The following THSD7B variants were observed in gnomAD, a reference collection of about 807,000 sequenced individuals.
THSD7B encodes thrombospondin type-1 domain-containing protein 7B.
Under a neutral mutation model 213.6 loss-of-function variants are expected in THSD7B, and 138 were observed. The observed-to-expected ratio is 0.65, with a 90% CI of 0.56 to 0.74. The LOEUF is 0.74. Among genes scored for constraint, THSD7B ranks in the 30% least tolerant of loss-of-function variants. The pLI is 0.00. For missense variants in THSD7B, 1,931 were observed against 1,991.5 expected, an observed-to-expected ratio of 0.97 and a Z score of 0.58; for synonymous variants, 742 against 687.0, an observed-to-expected ratio of 1.08 and a Z score of -1.25.
At chr2:136,980,746 C>T (rs1177477776) in intron 2 of THSD7B, among the ~76,000 whole-genome samples, 1 of 152,182 alleles carries the variant, frequency 6.6e-6, no homozygotes, top group African/African-American at 2.4e-5. Flanking sequence ...AACCAAGGCC[C>T]TGGTGGTGTG....
At chr2:137,628,880 CACACCCTTGATCA>C (rs1342546728) in intron 20 of THSD7B, among the ~76,000 whole-genome samples, 2 of 152,146 alleles carry the variant, frequency 1.3e-5, no homozygotes, top group Non-Finnish European at 2.9e-5. Context: ...ACATTTCAAT[CACACCCTTGATCA>C]AATTATGCTG....
chr2:136,977,472 T>G (rs1483164800), intron 2 of THSD7B, among the ~76,000 whole-genome samples: 2 of 152,196 alleles, frequency 1.3e-5, no homozygotes, highest in Non-Finnish European at 2.9e-5. Flanking sequence ...AGTGCTGCTC[T>G]GATCTTGGTT....
intron 20 of THSD7B, among the ~76,000 whole-genome samples, chr2:137,632,483 C>T (rs1682759741): frequency 6.6e-6 from 1 of 152,138 alleles, no homozygotes; most frequent in Non-Finnish European, 1.5e-5. Context: ...TCTCTCTCAC[C>T]TTCTTGCATC....
chr2:136,961,727 T>C (rs1437344782), intron 2 of THSD7B, among the ~76,000 whole-genome samples: 1 of 152,192 alleles, frequency 6.6e-6, no homozygotes, highest in Non-Finnish European at 1.5e-5. Flanking sequence ...CATGTGGCCT[T>C]CGCATGAACG....
chr2:136,845,008 A>G (rs766104545), intron 1 of THSD7B, among the ~76,000 whole-genome samples: 1 of 152,170 alleles, frequency 6.6e-6, no homozygotes, highest in Admixed American at 6.6e-5. Context: ...TGTGCTCCAA[A>G]CGCCATTTGC....
At chr2:137,154,364 A>C (rs1679872065) in intron 5 of THSD7B, among the ~76,000 whole-genome samples, 1 of 152,136 alleles carries the variant, frequency 6.6e-6, no homozygotes. Flanking sequence ...AATTTTGAAA[A>C]AGACTGACTT....
At chr2:137,564,197 G>GT (rs566207362) in intron 16 of THSD7B, among the ~76,000 whole-genome samples, 306 of 152,312 alleles carry the variant, frequency 2.0e-3, no homozygotes, top group African/African-American at 6.9e-3. Context: ...GTCTAAATCA[G>GT]GTAGCTGCCT....
intron 7 of THSD7B, among the ~76,000 whole-genome samples, chr2:137,212,244 T>C (rs1357319700): frequency 6.6e-6 from 1 of 152,090 alleles, no homozygotes; most frequent in Admixed American, 6.6e-5. Context: ...GCAGATATCA[T>C]AGTTTCATAG....
chr2:136,780,859 A>G (rs1681728149), intron 1 of THSD7B, among the ~76,000 whole-genome samples: 1 of 152,208 alleles, frequency 6.6e-6, no homozygotes, highest in Admixed American at 6.5e-5. Flanking sequence ...CCTCAAAGTT[A>G]CAGAGAGGTG....
At chr2:136,797,227 T>A (rs1320316979) in intron 1 of THSD7B, among the ~76,000 whole-genome samples, 1 of 151,942 alleles carries the variant, frequency 6.6e-6, no homozygotes, top group African/African-American at 2.4e-5. Flanking sequence ...TTATTCAAGT[T>A]TCTGCTGGTT....
intron 7 of THSD7B, among the ~76,000 whole-genome samples, chr2:137,183,387 C>A (rs1680490939): frequency 6.6e-6 from 1 of 152,060 alleles, no homozygotes; most frequent in East Asian, 1.9e-4. Flanking sequence ...GAAGATCTGG[C>A]AGCTATCTTG....
intron 14 of THSD7B, among the ~76,000 whole-genome samples, chr2:137,416,031 C>A (rs1254289041): frequency 6.6e-6 from 1 of 152,166 alleles, no homozygotes; most frequent in Non-Finnish European, 1.5e-5. Context: ...ATCCACAACA[C>A]CTACAGTGTC....
At chr2:136,765,960 C>G (rs1483430925) in intron 1 of THSD7B, among the ~76,000 whole-genome samples, 2 of 152,220 alleles carry the variant, frequency 1.3e-5, no homozygotes, top group Non-Finnish European at 2.9e-5. Flanking sequence ...GGACGCCCCA[C>G]GCGGCGACCT....
At chr2:136,970,503 A>G (rs1007555841) in intron 2 of THSD7B, among the ~76,000 whole-genome samples, 2 of 152,104 alleles carry the variant, frequency 1.3e-5, no homozygotes, top group African/African-American at 2.4e-5. Flanking sequence ...ATGAAAAAGA[A>G]AAAGAAGAGT....
At chr2:136,911,611 T>A (rs969330920) in intron 2 of THSD7B, among the ~76,000 whole-genome samples, 34 of 152,382 alleles carry the variant, frequency 2.2e-4, no homozygotes, top group African/African-American at 8.2e-4. Flanking sequence ...ATGTCTTTCC[T>A]TATAGATGTA....
At chr2:137,354,150 T>A (rs1348928169) in intron 12 of THSD7B, among the ~76,000 whole-genome samples, 1 of 152,040 alleles carries the variant, frequency 6.6e-6, no homozygotes, top group Non-Finnish European at 1.5e-5. Flanking sequence ...ATTGTAGTTA[T>A]GTGTTCATAT....
At chr2:137,042,730 C>A (rs1686905062) in intron 2 of THSD7B, among the ~76,000 whole-genome samples, 1 of 152,160 alleles carries the variant, frequency 6.6e-6, no homozygotes, top group Non-Finnish European at 1.5e-5. Context: ...CGCTTGTCCC[C>A]AGGAACTTTT....
rs565111751 is a variant in THSD7B, at chr2:137,141,329, A to G, written c.1370-18884A>G. 2.0e-5 allele frequency among the ~76,000 whole-genome samples: 3 copies of G among 152,272 alleles called. No individual in the cohort carries two copies. The South Asian group carries it at 6.2e-4, about 32-fold the overall frequency. On this transcript the variant is annotated intron_variant, in intron 5 of 27. Transcript: ENST00000409968. ...AGGATACATCTTCTGTAGAGAATTTATAACAAAACTAAGACCAATCAGAAA... is the reference window on the plus strand; with the variant it reads ...AGGATACATCTTCTGTAGAGAATTTGTAACAAAACTAAGACCAATCAGAAA...
chr2:137,231,145 G>C lies in THSD7B; in HGVS notation c.1825G>C (p.Glu609Gln). ...GGACTGTGTGCTGAGCGAGTGGACG[G>C]AGTGGTCATCCTGTTCCCAGTCCTG... ...RMDCVLSEWT[E>Q]WSSCSQSCSN... Residue 609 changes from glutamate to glutamine, a missense_variant, in exon 8 of 28, where the codon GAG (glutamate) becomes CAG (glutamine). Transcript: ENST00000409968. 6.2e-7 allele frequency: 1 copy of C among 1,613,808 alleles called. No homozygotes were observed. The highest frequency in any genetic ancestry group is 8.5e-7 in the Non-Finnish European group (1 of 1,179,806).
Sources: gnomAD v4.1 joint callset for allele counts (sites outside exome capture counted in the v4.1 genomes callset) on GRCh38, gnomAD v4.1.1 for gene constraint, MANE v1.5 for transcripts, NCBI Gene and HGNC (gene_info 2026-07-23, HGNC 2026-07-21) for gene names.